The following SLC26A7 variants were observed in gnomAD, a reference collection of about 807,000 sequenced individuals.
The protein encoded by SLC26A7 is solute carrier family 26 member 7, also known as anion exchange transporter.
Under a neutral mutation model 82.5 loss-of-function variants are expected in SLC26A7, and 59 were observed. The observed-to-expected ratio is 0.72, with a 90% CI of 0.58 to 0.89. The LOEUF is 0.89. Among genes scored for constraint, SLC26A7 ranks in the 40% least tolerant of loss-of-function variants. The pLI is 0.00. For missense variants in SLC26A7, 820 were observed against 793.0 expected, an observed-to-expected ratio of 1.03 and a Z score of -0.41; for synonymous variants, 271 against 274.3, an observed-to-expected ratio of 0.99 and a Z score of 0.12.
chr8:91,324,205 A>G (rs1203627802), intron 5 of SLC26A7, among the ~76,000 whole-genome samples: 6 of 152,222 alleles, frequency 3.9e-5, no homozygotes, highest in Non-Finnish European at 8.8e-5. Flanking sequence ...TTATCAATAC[A>G]TATTCTAAAA....
chr8:91,239,816 G>A (rs1271815754), intron 2 of SLC26A7, among the ~76,000 whole-genome samples: 1 of 152,178 alleles, frequency 6.6e-6, no homozygotes, highest in Non-Finnish European at 1.5e-5. Context: ...AACTGGGTAA[G>A]ATTGTCCATC....
intron 2 of SLC26A7, among the ~76,000 whole-genome samples, chr8:91,278,572 GCTT>G (rs2130746856): frequency 6.6e-6 from 1 of 152,120 alleles, no homozygotes; most frequent in South Asian, 2.1e-4. Flanking sequence ...GAATTTGTCA[GCTT>G]CTTACAATTT....
At chr8:91,279,125 G>GTATATATATATATATATATA (rs55869816) in intron 2 of SLC26A7, among the ~76,000 whole-genome samples, 3 of 111,258 alleles carry the variant, frequency 2.7e-5, no homozygotes, top group African/African-American at 7.1e-5. Flanking sequence ...GTGTGTGTGT[G>GTATATATATATATATATATA]TATATATATA....
chr8:91,281,375 C>T (rs895942459), intron 2 of SLC26A7, among the ~76,000 whole-genome samples: 3 of 152,114 alleles, frequency 2.0e-5, no homozygotes, highest in African/African-American at 7.2e-5. Flanking sequence ...AGAAGTGTGT[C>T]TAACGATCTT....
At chr8:91,229,938 G>A (rs1810289674) in intron 2 of SLC26A7, among the ~76,000 whole-genome samples, 1 of 152,280 alleles carries the variant, frequency 6.6e-6, no homozygotes, top group African/African-American at 2.4e-5. Context: ...TGGCAACGCT[G>A]CTTTCTGGTA....
chr8:91,372,887 A>ATC, intron 15 of SLC26A7, among the ~76,000 whole-genome samples: 1 of 151,790 alleles, frequency 6.6e-6, no homozygotes, highest in Non-Finnish European at 1.5e-5. Flanking sequence ...TGTTTGTGTC[A>ATC]TCTGCAATTT....
At chr8:91,328,647 A>G (rs933263800) in intron 5 of SLC26A7, among the ~76,000 whole-genome samples, 1 of 152,144 alleles carries the variant, frequency 6.6e-6, no homozygotes, top group African/African-American at 2.4e-5. Flanking sequence ...TTGAGTATCT[A>G]CTTTTTTCCC....
chr8:91,252,735 A>T (rs6651266), intron 2 of SLC26A7, among the ~76,000 whole-genome samples: 2,927 of 152,202 alleles, frequency 0.019, 79 homozygotes, highest in African/African-American at 0.067. Context: ...TGATGTATAC[A>T]CTGCAAGACT....
chr8:91,231,453 C>A (rs10108620), intron 2 of SLC26A7, among the ~76,000 whole-genome samples: 10,754 of 152,186 alleles, frequency 0.071, 600 homozygotes, highest in African/African-American at 0.15. Flanking sequence ...AAATCACACA[C>A]GGGGAGCCTG....
At chr8:91,291,985 G>A (rs530531275) in intron 3 of SLC26A7, among the ~76,000 whole-genome samples, 1 of 152,214 alleles carries the variant, frequency 6.6e-6, no homozygotes, top group South Asian at 2.1e-4. Context: ...TTTTATCCCA[G>A]TATTTAGGAT....
At chr8:91,215,224 G>A (rs1466686496) in intron 1 of SLC26A7, among the ~76,000 whole-genome samples, 1 of 152,020 alleles carries the variant, frequency 6.6e-6, no homozygotes, top group African/African-American at 2.4e-5. Flanking sequence ...ACATCTTTGG[G>A]GGGACATTAT....
chr8:91,256,662 C>T (rs940805905), intron 2 of SLC26A7, among the ~76,000 whole-genome samples: 3 of 152,132 alleles, frequency 2.0e-5, no homozygotes, highest in African/African-American at 7.2e-5. Context: ...TACTATAGCC[C>T]TGACTCTCCA....
At chr8:91,321,446 A>G (rs1375631996) in intron 5 of SLC26A7, among the ~76,000 whole-genome samples, 3 of 152,200 alleles carry the variant, frequency 2.0e-5, no homozygotes, top group Admixed American at 2.0e-4. Context: ...GAAAGTTGTT[A>G]AAGAGTTTCC....
At chr8:91,221,861 T>G (rs983625288) in intron 2 of SLC26A7, among the ~76,000 whole-genome samples, 6 of 152,226 alleles carry the variant, frequency 3.9e-5, no homozygotes, top group Middle Eastern at 3.4e-3. Flanking sequence ...CAGGGTCTTC[T>G]GTGATTCCAT....
chr8:91,368,328 C>A (rs551212170), intron 14 of SLC26A7, among the ~76,000 whole-genome samples: 19 of 151,994 alleles, frequency 1.3e-4, no homozygotes, highest in Admixed American at 9.2e-4. Context: ...ACTTAAGAAG[C>A]GTGGAATTAT....
At chr8:91,383,348 G>A (rs1311029569) in intron 15 of SLC26A7, among the ~76,000 whole-genome samples, 1 of 152,102 alleles carries the variant, frequency 6.6e-6, no homozygotes, top group Non-Finnish European at 1.5e-5. Context: ...AGTTTAGGTA[G>A]GACAATGGTA....
intron 5 of SLC26A7, among the ~76,000 whole-genome samples, chr8:91,331,105 G>A (rs778223136): frequency 3.3e-5 from 5 of 151,826 alleles, no homozygotes; most frequent in Non-Finnish European, 5.9e-5. Context: ...TTTGGATTAG[G>A]GCCCACCCAT....
intron 1 of SLC26A7, among the ~76,000 whole-genome samples, chr8:91,216,851 A>G (rs1161375486): frequency 1.3e-5 from 2 of 152,072 alleles, no homozygotes; most frequent in Non-Finnish European, 2.9e-5. Flanking sequence ...TTAACATTTT[A>G]TGGTCTATTT....
At chr8:91,259,275 T>C (rs1174529083) in intron 2 of SLC26A7, among the ~76,000 whole-genome samples, 3 of 152,112 alleles carry the variant, frequency 2.0e-5, no homozygotes, top group African/African-American at 7.2e-5. Context: ...GCACCCTTTA[T>C]ATGGACATGG....
Sources: allele counts gnomAD v4.1 joint callset (sites outside exome capture counted in the v4.1 genomes callset), GRCh38; gene constraint gnomAD v4.1.1; transcripts MANE v1.5; gene names NCBI Gene and HGNC (gene_info 2026-07-23, HGNC 2026-07-21).